MIA2: variants seen among roughly 807,000 people sequenced by gnomAD.
The protein encoded by MIA2 is melanoma inhibitory activity protein 2.
MIA2 carries 127 observed loss-of-function variants against 167.8 expected under a neutral mutation model. The ratio of observed to expected loss-of-function variants is 0.76; its 90% CI spans 0.66 to 0.88. The LOEUF (loss-of-function observed/expected upper bound fraction) is 0.88. Among genes scored for constraint, MIA2 ranks in the 40% least tolerant of loss-of-function variants. The pLI is 0.00. For synonymous variants in MIA2, 552 were observed against 541.9 expected, an observed-to-expected ratio of 1.02 and a Z score of -0.26; for missense variants, 1,690 against 1,624.7, an observed-to-expected ratio of 1.04 and a Z score of -0.69.
chr14:39,293,463 A>G lies in MIA2; in HGVS notation c.2319+82A>G. ...AAATTAATATGATACTGGTTAAAGT[A>G]TTACATTATTGTAAAAAATGTAAAG... On this transcript the variant is annotated intron_variant, in intron 11 of 28. Transcript: ENST00000640607. The G allele has an allele frequency of 4.2e-6, 4 of 954,300 alleles. 1 individual carries two copies. Among genetic ancestry groups the G allele is most frequent in the South Asian group, 3.5e-5 (2 of 57,022 alleles). 59.1% of individuals were successfully genotyped at this position (954,300 alleles called of 1,614,324 possible).
At chr14:39,271,191 T>C (rs1285040990) in intron 6 of MIA2, among the ~76,000 whole-genome samples, 1 of 152,236 alleles carries the variant, frequency 6.6e-6, no homozygotes, top group African/African-American at 2.4e-5. Context: ...ATTTATTGGC[T>C]TATTCTAGTA....
Position 39,245,668 on chromosome 14 carries a change from A to G in MIA2, c.337-1243A>G, listed in dbSNP as rs958716962. Among the ~76,000 whole-genome samples the G allele has an allele frequency of 2.0e-5, 3 of 151,814 alleles. No individual in the cohort carries two copies. In the East Asian group the frequency reaches 5.8e-4, roughly 29 times the overall value. On this transcript the variant is annotated intron_variant, in intron 3 of 28. Coordinates refer to ENST00000640607, the MANE Select transcript of MIA2 (RefSeq NM_001329214.4). ...GGCTGAGAAGTCTTCTTGATGCAAC[A>G]TCTCATACTGGAAGGCAAGATGGGG...
chr14:39,374,519 C>G (rs1254800827), intron 23 of MIA2, among the ~76,000 whole-genome samples: 6 of 152,114 alleles, frequency 3.9e-5, no homozygotes, highest in Admixed American at 3.9e-4. Flanking sequence ...TGTGATCTTT[C>G]AAAAGGCAAA....
chr14:39,379,646 G>T (rs1468127483), intron 23 of MIA2, among the ~76,000 whole-genome samples: 2 of 152,104 alleles, frequency 1.3e-5, no homozygotes, highest in Non-Finnish European at 2.9e-5. Flanking sequence ...GAGGTCAGGA[G>T]TTCGAGACCA....
chr14:39,293,992 G>A lies in MIA2; in HGVS notation c.2320-8G>A, dbSNP rs780359873. On this transcript the variant is annotated splice_polypyrimidine_tract_variant and splice_region_variant and intron_variant, in intron 11 of 28. Coordinates refer to ENST00000640607, the MANE Select transcript of MIA2 (RefSeq NM_001329214.4). ...GTAAATATTAATTGCCTGATACTGT[G>A]TTTCTAGATGGCGGATATTTCAAAA... 8.1e-6 allele frequency: 13 copies of A among 1,605,000 alleles called. No homozygotes were observed. In the South Asian group the frequency reaches 1.3e-4, roughly 17 times the overall value.
intron 9 of MIA2, among the ~76,000 whole-genome samples, chr14:39,286,787 G>A (rs1183041187): frequency 2.0e-5 from 3 of 147,566 alleles, no homozygotes; most frequent in Admixed American, 6.8e-5. Flanking sequence ...TCTGCCTCCC[G>A]GGTTCAAGTG....
At chr14:39,280,425 A>G (rs933207711) in intron 9 of MIA2, among the ~76,000 whole-genome samples, 2 of 152,074 alleles carry the variant, frequency 1.3e-5, no homozygotes, top group East Asian at 3.9e-4. Flanking sequence ...GGGCAGGTAT[A>G]GTTTAACTGT....
At chr14:39,351,674 G>T (rs573172303), downstream of MIA2, among the ~76,000 whole-genome samples, 12 of 145,780 alleles carry the variant, frequency 8.2e-5, no homozygotes, top group Middle Eastern at 7.9e-3. Flanking sequence ...GTAGGAGTAT[G>T]CAGCAAGAAG....
intron 13 of MIA2, among the ~76,000 whole-genome samples, chr14:39,298,652 A>G (rs2061889923): frequency 1.3e-5 from 2 of 149,842 alleles, no homozygotes; most frequent in African/African-American, 2.4e-5. Context: ...ATAAATTTAG[A>G]CTTTTTCATA....
exon 24 of MIA2, chr14:39,387,773 A>G (rs944829963): frequency 6.6e-6 from 1 of 152,254 alleles, no homozygotes; most frequent in Non-Finnish European, 1.5e-5. Context: ...TGTCTCATTT[A>G]AGAAATTGCC....
At chr14:39,249,323 C>T (rs914100671) in intron 4 of MIA2, among the ~76,000 whole-genome samples, 2 of 151,910 alleles carry the variant, frequency 1.3e-5, no homozygotes, top group East Asian at 1.9e-4. Context: ...TTTTATATGT[C>T]GTGGAGATGG....
At chr14:39,361,437 GTTTTTTT>G (rs71130845) in intron 23 of MIA2, among the ~76,000 whole-genome samples, 3 of 139,494 alleles carry the variant, frequency 2.2e-5, no homozygotes, top group South Asian at 4.5e-4. Flanking sequence ...TAGGTGTGTG[GTTTTTTT>G]TTTTTTTTCC....
At chr14:39,250,370 C>T (rs533315441) in intron 4 of MIA2, among the ~76,000 whole-genome samples, 4 of 151,540 alleles carry the variant, frequency 2.6e-5, no homozygotes, top group African/African-American at 9.7e-5. Context: ...AGTTCGAGGC[C>T]GGCCTGGGCA....
chr14:39,292,868 G>A (rs77796883), intron 10 of MIA2, among the ~76,000 whole-genome samples: 2 of 151,874 alleles, frequency 1.3e-5, no homozygotes, highest in African/African-American at 2.4e-5. Flanking sequence ...GCCTTTAATT[G>A]TATTAAATTG....
rs566782941 is a variant in MIA2 at position 39,317,843 on chromosome 14, A to G, written c.3217-101A>G. 44 of 688,412 alleles carry G rather than the reference A, an allele frequency of 6.4e-5. No individual in the cohort carries two copies. In the South Asian group the frequency reaches 8.9e-4, roughly 14 times the overall value. The allele number at this position is 688,412 out of a possible 1,614,324, so 42.6% of individuals were successfully genotyped here. A position where few individuals can be genotyped will look rare whatever the true frequency, so the allele number is the denominator to read the frequency against. ...TTTGTATACCATTGTTGTGATATAT[A>G]TATATTTTTAAGAAATTTAATGAAT... On this transcript the variant is annotated intron_variant, in intron 21 of 28. Transcript: ENST00000640607.
chr14:39,289,618 T>C (rs1006428125), intron 9 of MIA2, among the ~76,000 whole-genome samples: 1 of 152,198 alleles, frequency 6.6e-6, no homozygotes, highest in African/African-American at 2.4e-5. Flanking sequence ...TCTTAAAATT[T>C]TGAAGGTCAG....
At chr14:39,369,187 GTGAC>G (rs1245975184) in intron 23 of MIA2, among the ~76,000 whole-genome samples, 4 of 152,174 alleles carry the variant, frequency 2.6e-5, no homozygotes, top group Middle Eastern at 3.2e-3. Flanking sequence ...AGGGGAATCT[GTGAC>G]TGACAGGGTT....
Position 39,277,753 on chromosome 14 carries a change from TATATATATATATA to T in MIA2, c.2019+689_2019+701del, listed in dbSNP as rs2058345954. On this transcript the variant is annotated intron_variant, in intron 7 of 28. Transcript: ENST00000640607. ...ATATATATATATATATGTGTGTATA[TATATATATATATA>T]TATATATATATATATTTATATTTAA... is the stretch of plus-strand genomic sequence containing the variant. 2.7e-4 allele frequency among the ~76,000 whole-genome samples: 7 copies of T among 25,620 alleles called. 1 individual carries two copies. The Admixed American group carries it at 4.0e-3, about 15-fold the overall frequency. The allele number at this position is 25,620 out of a possible 152,430, so 16.8% of individuals were successfully genotyped here.
intron 25 of MIA2, among the ~76,000 whole-genome samples, chr14:39,342,505 A>G (rs942689696): frequency 5.9e-5 from 9 of 151,824 alleles, no homozygotes; most frequent in Non-Finnish European, 1.2e-4. Context: ...AGCATGATTT[A>G]TAATCCTTTG....
Sources: gnomAD v4.1 joint callset for allele counts (sites outside exome capture counted in the v4.1 genomes callset) on GRCh38, gnomAD v4.1.1 for gene constraint, MANE v1.5 for transcripts, NCBI Gene and HGNC (gene_info 2026-07-23, HGNC 2026-07-21) for gene names.